Variants in ANO2 observed in about 807,000 individuals in gnomAD.
The protein encoded by ANO2 is anoctamin-2.
In ANO2, 101 loss-of-function variants were observed where a neutral mutation model predicts 124.2. That is an observed-to-expected ratio of 0.81 (90% CI 0.69 to 0.96). The LOEUF (loss-of-function observed/expected upper bound fraction) is 0.96, where lower values mean the gene tolerates loss of function less well. ANO2 is among the 40% of genes least tolerant of loss of function. The probability of loss-of-function intolerance (pLI) is 0.00; values close to 1 mark genes in which losing one functional copy is unlikely to be tolerated. For missense variants in ANO2, 1,293 were observed against 1,274.5 expected, an observed-to-expected ratio of 1.01 and a Z score of -0.22; for synonymous variants, 486 against 482.5, an observed-to-expected ratio of 1.01 and a Z score of -0.09.
chr12:5,732,813 G>T (rs185495795), intron 13 of ANO2, 183 bp from the exon 14 acceptor site: 3 of 1,610,884 alleles, frequency 1.9e-6, no homozygotes, highest in African/African-American at 2.7e-5. Flanking sequence ...AGAACACAAC[G>T]TGAGGAAGAG....
At chr12:5,917,434 C>G (rs776006678) in intron 3 of ANO2, among the ~76,000 whole-genome samples, 14 of 152,080 alleles carry the variant, frequency 9.2e-5, no homozygotes, top group Non-Finnish European at 1.8e-4. Context: ...GTTTGCTAAA[C>G]CTGGCAACAG....
chr12:5,748,000 G>A (rs1320786155), intron 11 of ANO2, among the ~76,000 whole-genome samples: 2 of 151,972 alleles, frequency 1.3e-5, no homozygotes, highest in Non-Finnish European at 2.9e-5. Context: ...ACGTGCATGA[G>A]TGTGTGTGAA....
At chr12:5,798,278 C>T (rs551128097) in intron 10 of ANO2, among the ~76,000 whole-genome samples, 1 of 152,148 alleles carries the variant, frequency 6.6e-6, no homozygotes, top group South Asian at 2.1e-4. Flanking sequence ...CCCGCATGTC[C>T]CTGCTCCCCC....
intron 3 of ANO2, among the ~76,000 whole-genome samples, chr12:5,879,048 A>C (rs984763402): frequency 6.6e-6 from 1 of 152,234 alleles, no homozygotes; most frequent in South Asian, 2.1e-4. Context: ...GCCTGCGAGA[A>C]CATGACAGTG....
At chr12:5,687,214 A>G (rs2137008459) in intron 14 of ANO2, among the ~76,000 whole-genome samples, 2 of 152,290 alleles carry the variant, frequency 1.3e-5, no homozygotes, top group South Asian at 4.1e-4. Flanking sequence ...TTAGAATTAC[A>G]CACATTTCCT....
chr12:5,916,353 G>GA (rs1941374154), intron 3 of ANO2, among the ~76,000 whole-genome samples: 1 of 151,710 alleles, frequency 6.6e-6, no homozygotes, highest in East Asian at 1.9e-4. Context: ...AAGTGCTAGA[G>GA]AAAAAAGTAA....
At chr12:5,678,695 C>T (rs1388668384) in intron 14 of ANO2, among the ~76,000 whole-genome samples, 3 of 152,170 alleles carry the variant, frequency 2.0e-5, no homozygotes, top group Non-Finnish European at 2.9e-5. Context: ...GAAAGAAAAT[C>T]CTTGACTTTC....
chr12:5,832,667 C>CA (rs978968203), intron 4 of ANO2, 64 bp from the exon 5 acceptor site: 198 of 1,486,730 alleles, frequency 1.3e-4, no homozygotes, highest in East Asian at 5.6e-4. Context: ...AATGGCTTCA[C>CA]AAAAAAAAGC....
chr12:5,762,965 G>T (rs893774202), intron 10 of ANO2, among the ~76,000 whole-genome samples: 10 of 151,772 alleles, frequency 6.6e-5, no homozygotes, highest in Admixed American at 6.6e-4. Context: ...AAGAGCTAAG[G>T]TTTTTCATAC....
chr12:5,796,326 TCA>T (rs1024319409), intron 10 of ANO2, among the ~76,000 whole-genome samples: 12 of 146,220 alleles, frequency 8.2e-5, no homozygotes, highest in African/African-American at 3.1e-4. Context: ...CTGCTCACAC[TCA>T]CACACTCATG....
rs189060063 is a variant in ANO2, at chr12:5,730,457, G to A, written c.1545+2063C>T. Among the ~76,000 whole-genome samples the A allele has an allele frequency of 1.6e-3, 250 of 152,274 alleles. 1 individual carries two copies. Among genetic ancestry groups the A allele is most frequent in the African/African-American group, 5.9e-3 (244 of 41,550 alleles). ...TACCATTCAACAGGAAGGAAAGTAA[G>A]GAGAGGTGAGGATATGCAGCATCAG... On this transcript the variant is annotated intron_variant, in intron 14 of 24. Transcript: ENST00000682330.
chr12:5,772,491 A>G (rs1202628443), intron 10 of ANO2, among the ~76,000 whole-genome samples: 1 of 152,246 alleles, frequency 6.6e-6, no homozygotes, highest in East Asian at 1.9e-4. Context: ...CAAACATATC[A>G]AATTTCATGT....
intron 11 of ANO2, among the ~76,000 whole-genome samples, chr12:5,750,417 T>C (rs542890064): frequency 1.3e-5 from 2 of 152,330 alleles, no homozygotes; most frequent in South Asian, 4.1e-4. Flanking sequence ...TCTAGCATCA[T>C]CTGACCACAC....
At chr12:5,793,976 G>C (rs1475115022) in intron 10 of ANO2, among the ~76,000 whole-genome samples, 1 of 152,064 alleles carries the variant, frequency 6.6e-6, no homozygotes, top group East Asian at 1.9e-4. Context: ...CAGCATGATG[G>C]GATTAACAGC....
At chr12:5,586,790 G>A (rs1187111402) in intron 20 of ANO2, among the ~76,000 whole-genome samples, 6 of 152,130 alleles carry the variant, frequency 3.9e-5, no homozygotes, top group African/African-American at 9.7e-5. Flanking sequence ...TTAAGTCACC[G>A]GGACTCTGGA....
chr12:5,738,639 G>C (rs551661112), intron 13 of ANO2, among the ~76,000 whole-genome samples: 1 of 152,154 alleles, frequency 6.6e-6, no homozygotes, highest in Non-Finnish European at 1.5e-5. Context: ...GGAGGAGCAG[G>C]AATTATGGTG....
chr12:5,629,817 A>G (rs2136930108), intron 16 of ANO2, among the ~76,000 whole-genome samples: 1 of 152,200 alleles, frequency 6.6e-6, no homozygotes, highest in East Asian at 1.9e-4. Context: ...ACAGCTCCAA[A>G]TGCATTCCCT....
intron 14 of ANO2, among the ~76,000 whole-genome samples, chr12:5,649,535 G>A (rs1210221014): frequency 6.6e-6 from 1 of 152,150 alleles, no homozygotes; most frequent in African/African-American, 2.4e-5. Flanking sequence ...TCAAGAGGGA[G>A]TAGAGCTTCT....
intron 10 of ANO2, among the ~76,000 whole-genome samples, chr12:5,762,229 C>T (rs1413336983): frequency 2.0e-5 from 3 of 151,904 alleles, no homozygotes; most frequent in Non-Finnish European, 2.9e-5. Flanking sequence ...AAACATTAAT[C>T]GCTGAACATA....
Sources: allele counts gnomAD v4.1 joint callset (sites outside exome capture counted in the v4.1 genomes callset), GRCh38; gene constraint gnomAD v4.1.1; transcripts MANE v1.5; gene names NCBI Gene and HGNC (gene_info 2026-07-23, HGNC 2026-07-21).